The following MEGF10 variants were observed in gnomAD, a reference collection of about 807,000 sequenced individuals.
The protein encoded by MEGF10 is multiple epidermal growth factor-like domains protein 10.
Under a neutral mutation model 147.5 loss-of-function variants are expected in MEGF10, and 86 were observed. That is an observed-to-expected ratio of 0.58 (90% CI 0.49 to 0.70). The LOEUF is 0.70. Ranked by LOEUF, MEGF10 falls within the 30% of genes least tolerant of loss-of-function variation. The pLI is 0.00. For synonymous variants in MEGF10, 478 were observed against 525.5 expected, an observed-to-expected ratio of 0.91 and a Z score of 1.24; for missense variants, 1,329 against 1,487.3, an observed-to-expected ratio of 0.89 and a Z score of 1.75.
intron 1 of MEGF10, among the ~76,000 whole-genome samples, chr5:127,302,736 A>G (rs956723480): frequency 3.3e-5 from 5 of 152,288 alleles, no homozygotes; most frequent in African/African-American, 1.2e-4. Context: ...TACTGAGGAG[A>G]ATGCCAAAAA....
At chr5:127,289,549 A>G (rs1759144641), upstream of MEGF10, among the ~76,000 whole-genome samples, 1 of 152,202 alleles carries the variant, frequency 6.6e-6, no homozygotes, top group African/African-American at 2.4e-5. Context: ...AAATGGAGGT[A>G]CTGTTACCAG....
At chr5:127,379,426 C>T (rs1763167470) in intron 5 of MEGF10, among the ~76,000 whole-genome samples, 1 of 152,116 alleles carries the variant, frequency 6.6e-6, no homozygotes, top group Non-Finnish European at 1.5e-5. Flanking sequence ...TGATCTATTC[C>T]TTCCTGTTTC....
the MEGF10 span, among the ~76,000 whole-genome samples, chr5:127,282,693 C>T: frequency 1.3e-5 from 2 of 152,140 alleles, no homozygotes; most frequent in African/African-American, 4.8e-5. Flanking sequence ...CAGTGGTATC[C>T]TCTTTTCTTT....
intron 1 of MEGF10, among the ~76,000 whole-genome samples, chr5:127,312,780 C>G (rs1463819790): frequency 6.6e-6 from 1 of 152,156 alleles, no homozygotes; most frequent in African/African-American, 2.4e-5. Context: ...TGTTCTCTGA[C>G]TCTCTTAGGT....
chr5:127,441,399 C>T (rs780254065), intron 18 of MEGF10, among the ~76,000 whole-genome samples: 12 of 152,208 alleles, frequency 7.9e-5, no homozygotes, highest in Non-Finnish European at 1.5e-4. Flanking sequence ...GTCTTAACAA[C>T]CTTCCAGACA....
intron 1 of MEGF10, among the ~76,000 whole-genome samples, chr5:127,326,400 G>A (rs139352697): frequency 1.3e-5 from 2 of 152,098 alleles, no homozygotes; most frequent in Non-Finnish European, 2.9e-5. Flanking sequence ...GTCATACCTG[G>A]ATAATATGTT....
chr5:127,328,865 A>G (rs1023869545), intron 1 of MEGF10, among the ~76,000 whole-genome samples: 1 of 152,200 alleles, frequency 6.6e-6, no homozygotes, highest in African/African-American at 2.4e-5. Context: ...GAGACAAGGA[A>G]ATAATTGCCA....
At chr5:127,243,454 T>C in the MEGF10 span, among the ~76,000 whole-genome samples, 3 of 152,216 alleles carry the variant, frequency 2.0e-5, no homozygotes, top group Non-Finnish European at 2.9e-5. Context: ...TTCCTATTTC[T>C]CTGTAAGGAA....
chr5:127,323,878 G>A lies in MEGF10; in HGVS notation c.-18-7413G>A, dbSNP rs115382896. Reference sequence around the variant, plus strand: ...ACACAGCTGTTAGCAGGAGGCCTCAGTTCCTTACTGTGTTGGTCTCTCCAT... The same window carrying A: ...ACACAGCTGTTAGCAGGAGGCCTCAATTCCTTACTGTGTTGGTCTCTCCAT... On this transcript the variant is annotated intron_variant, in intron 1 of 24. Transcript: ENST00000503335. Among the ~76,000 whole-genome samples the A allele has an allele frequency of 6.5e-3, 987 of 152,320 alleles. 14 individuals are homozygous for A. The highest frequency in any genetic ancestry group is 0.023 in the African/African-American group (953 of 41,576).
At chr5:127,321,566 T>C (rs1397798987) in intron 1 of MEGF10, among the ~76,000 whole-genome samples, 2 of 152,178 alleles carry the variant, frequency 1.3e-5, no homozygotes, top group East Asian at 3.9e-4. Context: ...TTTGTTCCTC[T>C]ATGGGGTTTT....
chr5:127,376,871 T>C (rs1580784134), intron 5 of MEGF10, among the ~76,000 whole-genome samples: 1 of 152,296 alleles, frequency 6.6e-6, no homozygotes, highest in South Asian at 2.1e-4. Context: ...TTGCATCTCA[T>C]TCAGAGCCAG....
At chr5:127,424,691 AC>A in intron 13 of MEGF10, 1 of 466,158 alleles carries the variant, frequency 2.1e-6, no homozygotes, top group Non-Finnish European at 2.9e-6. Flanking sequence ...AATAGGAGCT[AC>A]CCACAGACAC....
At chr5:127,429,667 C>T (rs992831994) in intron 13 of MEGF10, among the ~76,000 whole-genome samples, 2 of 152,138 alleles carry the variant, frequency 1.3e-5, no homozygotes, top group African/African-American at 4.8e-5. Context: ...TCCAGAATTC[C>T]TCTTCCCCGC....
At chr5:127,356,354 A>G (rs1762282004) in intron 4 of MEGF10, among the ~76,000 whole-genome samples, 1 of 152,230 alleles carries the variant, frequency 6.6e-6, no homozygotes. Context: ...TGGTTGTAGT[A>G]GTAGCCCAAG....
At chr5:127,358,997 T>C (rs1238897208) in intron 4 of MEGF10, among the ~76,000 whole-genome samples, 1 of 152,078 alleles carries the variant, frequency 6.6e-6, no homozygotes, top group Non-Finnish European at 1.5e-5. Flanking sequence ...GCCCCACAGA[T>C]GGTATTTCAA....
chr5:127,441,549 T>C (rs1469746628), intron 18 of MEGF10, among the ~76,000 whole-genome samples: 1 of 152,214 alleles, frequency 6.6e-6, no homozygotes, highest in African/African-American at 2.4e-5. Flanking sequence ...TTAATAAAAT[T>C]GAATATTGCA....
At chr5:127,427,342 C>T (rs1278650791) in intron 13 of MEGF10, among the ~76,000 whole-genome samples, 1 of 151,856 alleles carries the variant, frequency 6.6e-6, no homozygotes, top group African/African-American at 2.4e-5. Flanking sequence ...TGTGTTTATA[C>T]CAGAATAAAA....
At chr5:127,247,602 C>G in the MEGF10 span, among the ~76,000 whole-genome samples, 2 of 151,986 alleles carry the variant, frequency 1.3e-5, no homozygotes, top group African/African-American at 2.4e-5. Flanking sequence ...GATTTACCCT[C>G]ACACTACAAT....
intron 5 of MEGF10, among the ~76,000 whole-genome samples, chr5:127,394,020 G>A (rs1763810988): frequency 6.6e-6 from 1 of 152,024 alleles, no homozygotes; most frequent in African/African-American, 2.4e-5. Flanking sequence ...TGTGCTTGGG[G>A]CCACCCTGAC....
Sources: allele counts gnomAD v4.1 joint callset (sites outside exome capture counted in the v4.1 genomes callset), GRCh38; gene constraint gnomAD v4.1.1; transcripts MANE v1.5; gene names NCBI Gene and HGNC (gene_info 2026-07-23, HGNC 2026-07-21).